GPATCH2: variants seen among roughly 807,000 people sequenced by gnomAD.
The protein encoded by GPATCH2 is G patch domain-containing protein 2.
A neutral mutation model predicts 58.0 loss-of-function variants in GPATCH2; 51 were observed. The ratio of observed to expected loss-of-function variants is 0.88; its 90% CI spans 0.70 to 1.11. GPATCH2 has a LOEUF of 1.11. Among genes scored for constraint, GPATCH2 ranks in the 50% most tolerant of loss-of-function variants. The pLI, the probability that GPATCH2 is intolerant of heterozygous loss-of-function variation, is 0.00. For missense variants in GPATCH2, 625 were observed against 652.2 expected, an observed-to-expected ratio of 0.96 and a Z score of 0.45; for synonymous variants, 222 against 218.5, an observed-to-expected ratio of 1.02 and a Z score of -0.14.
intron 2 of GPATCH2, among the ~76,000 whole-genome samples, chr1:217,618,485 G>A (rs76207004): frequency 0.016 from 2,396 of 152,016 alleles, 36 homozygotes; most frequent in Non-Finnish European, 0.025. Flanking sequence ...TGGGAGTAAA[G>A]GCATGAGCCG....
chr1:217,445,118 A>G (rs1659326831), intron 9 of GPATCH2, among the ~76,000 whole-genome samples: 1 of 152,168 alleles, frequency 6.6e-6, no homozygotes, highest in Admixed American at 6.5e-5. Context: ...ACTACCCTGG[A>G]ACAATATGCA....
In GPATCH2 at chr1:217,600,993, C is replaced by T. The variant is rs186795056; in HGVS notation, c.1098+9328G>A. ...AACAGTAAAATAAGCCATTTCTTTA[C>T]TAATAAAGGAATGACTTAAGAATTT... On this transcript the variant is annotated intron_variant, in intron 5 of 9. Transcript: ENST00000366935. Among the ~76,000 whole-genome samples, 3 of 151,986 alleles carry T rather than the reference C, an allele frequency of 2.0e-5. No homozygotes were observed. The East Asian group carries it at 5.8e-4, about 29-fold the overall frequency.
chr1:217,455,781 A>G (rs905225614), intron 8 of GPATCH2, among the ~76,000 whole-genome samples: 3 of 151,956 alleles, frequency 2.0e-5, no homozygotes, highest in Non-Finnish European at 2.9e-5. Flanking sequence ...TTTTGCGCCC[A>G]AAAGTTGCCT....
At chr1:217,432,620 G>C (rs1377803149) in intron 9 of GPATCH2, among the ~76,000 whole-genome samples, 1 of 152,026 alleles carries the variant, frequency 6.6e-6, no homozygotes, top group East Asian at 1.9e-4. Flanking sequence ...GTATGAAAAG[G>C]GAATATAGTA....
chr1:217,449,182 A>C, intron 9 of GPATCH2, 67 bp downstream of exon 9: 1 of 849,620 alleles, frequency 1.2e-6, no homozygotes. Context: ...AGAAGTATCT[A>C]CATTTTATTC....
intron 2 of GPATCH2, among the ~76,000 whole-genome samples, chr1:217,619,582 A>T (rs1309404363): frequency 2.0e-5 from 3 of 152,168 alleles, no homozygotes; most frequent in Admixed American, 1.3e-4. Flanking sequence ...CAATCAAAAG[A>T]CTTTGTGTAA....
intron 5 of GPATCH2, among the ~76,000 whole-genome samples, chr1:217,579,786 T>TA (rs1360826776): frequency 3.3e-5 from 5 of 152,164 alleles, no homozygotes; most frequent in African/African-American, 7.2e-5. Context: ...CTGCTGCTGA[T>TA]AAAAAAGTCC....
At chr1:217,524,928 G>C (rs1663799886) in intron 5 of GPATCH2, among the ~76,000 whole-genome samples, 2 of 41,884 alleles carry the variant, frequency 4.8e-5, no homozygotes, top group Admixed American at 6.4e-4. Flanking sequence ...GGGGGAGAGG[G>C]GAGAGGGGAG....
At chr1:217,477,300 C>T (rs550600787) in intron 8 of GPATCH2, among the ~76,000 whole-genome samples, 11 of 152,228 alleles carry the variant, frequency 7.2e-5, no homozygotes, top group African/African-American at 2.6e-4. Context: ...AGACTCAGCA[C>T]ATTCCCAGCT....
chr1:217,493,425 A>G (rs920622394), intron 7 of GPATCH2, among the ~76,000 whole-genome samples: 1 of 152,032 alleles, frequency 6.6e-6, no homozygotes, highest in Admixed American at 6.6e-5. Context: ...GCTGTTGCTC[A>G]TCTCTGGCCC....
chr1:217,458,513 G>A (rs1479521129), intron 8 of GPATCH2, among the ~76,000 whole-genome samples: 1 of 152,040 alleles, frequency 6.6e-6, no homozygotes, highest in Non-Finnish European at 1.5e-5. Context: ...TGTTGAATGG[G>A]GTTTCTAAAA....
At chr1:217,532,762 A>G (rs1245545175) in intron 5 of GPATCH2, among the ~76,000 whole-genome samples, 4 of 152,146 alleles carry the variant, frequency 2.6e-5, no homozygotes, top group East Asian at 1.9e-4. Flanking sequence ...AAGAGTTTAC[A>G]TGTTCAAGGA....
chr1:217,439,460 A>G (rs543717057), intron 9 of GPATCH2, among the ~76,000 whole-genome samples: 1 of 152,330 alleles, frequency 6.6e-6, no homozygotes, highest in East Asian at 1.9e-4. Context: ...TGAAAGAACT[A>G]GAGAAGCAAG....
chr1:217,627,708 T>A (rs1169668056), intron 1 of GPATCH2, among the ~76,000 whole-genome samples: 1 of 151,926 alleles, frequency 6.6e-6, no homozygotes, highest in Non-Finnish European at 1.5e-5. Flanking sequence ...AAACCGTGAA[T>A]GGCTTTAAGA....
At chr1:217,436,138 G>A (rs1047731419) in intron 9 of GPATCH2, among the ~76,000 whole-genome samples, 4 of 150,598 alleles carry the variant, frequency 2.7e-5, no homozygotes, top group Admixed American at 6.6e-5. Context: ...TAATTAAACC[G>A]AAACATATTT....
At chr1:217,566,665 AT>A (rs1442888637) in intron 5 of GPATCH2, among the ~76,000 whole-genome samples, 1 of 152,202 alleles carries the variant, frequency 6.6e-6, no homozygotes, top group Non-Finnish European at 1.5e-5. Context: ...AACCAGTTTG[AT>A]CACTTTGGGA....
At chr1:217,524,697 C>CA (rs1663731615) in intron 5 of GPATCH2, among the ~76,000 whole-genome samples, 1 of 151,036 alleles carries the variant, frequency 6.6e-6, no homozygotes, top group African/African-American at 2.4e-5. Context: ...CGTCTCCACC[C>CA]AAAAAATACG....
intron 5 of GPATCH2, among the ~76,000 whole-genome samples, chr1:217,578,121 A>G (rs925198601): frequency 1.5e-5 from 2 of 136,306 alleles, no homozygotes; most frequent in African/African-American, 5.2e-5. Context: ...TACCAGGCAA[A>G]TTTGATTTAA....
chr1:217,435,821 G>A (rs184767731), intron 9 of GPATCH2, among the ~76,000 whole-genome samples: 22 of 152,196 alleles, frequency 1.4e-4, no homozygotes, highest in East Asian at 1.3e-3. Context: ...GAAAGTGGTA[G>A]GTGTTACTAT....
Sources: gnomAD v4.1 joint callset for allele counts (sites outside exome capture counted in the v4.1 genomes callset) on GRCh38, gnomAD v4.1.1 for gene constraint, MANE v1.5 for transcripts, NCBI Gene and HGNC (gene_info 2026-07-23, HGNC 2026-07-21) for gene names.